SEMA6D: variants seen among roughly 807,000 people sequenced by gnomAD.
SEMA6D encodes the protein semaphorin-6D.
Under a neutral mutation model 106.6 loss-of-function variants are expected in SEMA6D, and 35 were observed. The observed-to-expected ratio is 0.33, with a 90% confidence interval of 0.25 to 0.44. SEMA6D has a LOEUF of 0.44. SEMA6D is among the 20% of genes least tolerant of loss of function. The pLI, the probability that SEMA6D is intolerant of heterozygous loss-of-function variation, is 1.00. For synonymous variants in SEMA6D, 499 were observed against 487.7 expected, an observed-to-expected ratio of 1.02 and a Z score of -0.31; for missense variants, 1,185 against 1,345.9, an observed-to-expected ratio of 0.88 and a Z score of 1.87.
chr15:47,414,238 A>T (rs1595937372), intron 2 of SEMA6D, among the ~76,000 whole-genome samples: 1 of 152,146 alleles, frequency 6.6e-6, no homozygotes, highest in Non-Finnish European at 1.5e-5. Context: ...ATAACTTTGC[A>T]CTTGAGTTTC....
At position 47,295,510 on chromosome 15, in the gene SEMA6D, C is replaced by A. The variant is rs143728029; in HGVS notation, c.-239+111092C>A. On this transcript the variant is annotated intron_variant, in intron 1 of 19. Transcript: ENST00000558014. The stretch of plus-strand genomic sequence containing the variant: ...ACTTCTGAAAGAACTGTGAGTAGAT[C>A]TTTAGATTACTCTCCTAAAGAGATA... Among the ~76,000 whole-genome samples, 887 of 152,212 alleles carry A rather than the reference C, an allele frequency of 5.8e-3. 14 individuals are homozygous for A. Among genetic ancestry groups the A allele is most frequent in the African/African-American group, 0.02 (842 of 41,552 alleles).
intron 3 of SEMA6D, among the ~76,000 whole-genome samples, chr15:47,574,432 C>A (rs767073526): frequency 2.6e-5 from 4 of 152,162 alleles, no homozygotes; most frequent in African/African-American, 7.2e-5. Flanking sequence ...CAATGTGGAG[C>A]ATTGATATAA....
intron 1 of SEMA6D, among the ~76,000 whole-genome samples, chr15:47,234,989 A>G (rs1046000456): frequency 2.6e-5 from 4 of 151,954 alleles, no homozygotes; most frequent in Non-Finnish European, 5.9e-5. Context: ...TTCCCTTTTC[A>G]CCACATCCAC....
chr15:47,649,485 A>G (rs1010180466), intron 4 of SEMA6D, among the ~76,000 whole-genome samples: 4 of 152,238 alleles, frequency 2.6e-5, no homozygotes, highest in East Asian at 3.8e-4. Flanking sequence ...ATCAAAAGAC[A>G]GTGCTACATA....
intron 3 of SEMA6D, among the ~76,000 whole-genome samples, chr15:47,545,630 A>G (rs1481821393): frequency 6.6e-6 from 1 of 152,134 alleles, no homozygotes; most frequent in Non-Finnish European, 1.5e-5. Flanking sequence ...TCTAACTTCT[A>G]AGATTTAAGT....
At chr15:47,546,988 G>C (rs778083048) in intron 3 of SEMA6D, among the ~76,000 whole-genome samples, 5 of 152,024 alleles carry the variant, frequency 3.3e-5, no homozygotes, top group Non-Finnish European at 4.4e-5. Context: ...TTCCAGCTTG[G>C]CCTGCATCAG....
intron 1 of SEMA6D, among the ~76,000 whole-genome samples, chr15:47,332,961 A>G (rs2037402322): frequency 1.3e-5 from 2 of 152,212 alleles, no homozygotes; most frequent in African/African-American, 4.8e-5. Flanking sequence ...GGAGCTGGAA[A>G]GACAAAAAAC....
intron 1 of SEMA6D, among the ~76,000 whole-genome samples, chr15:47,759,290 G>A (rs2081939297): frequency 6.6e-6 from 1 of 152,124 alleles, no homozygotes; most frequent in South Asian, 2.1e-4. Context: ...GATTATGACA[G>A]GATCATCAGC....
Position 47,406,778 on chromosome 15 carries a change from CA to C in SEMA6D, c.-238-5598del, listed in dbSNP as rs36102863. 7.8e-3 allele frequency among the ~76,000 whole-genome samples: 867 copies of C among 111,734 alleles called. 4 individuals carry two copies. Among genetic ancestry groups the C allele is most frequent in the Non-Finnish European group, 9.9e-3 (543 of 55,024 alleles). 73.3% of individuals were successfully genotyped at this position (111,734 alleles called of 152,430 possible). On this transcript the variant is annotated intron_variant, in intron 1 of 19. Transcript: ENST00000558014. ...AGTAGATCTCAAGTGTTCTCACCACCAAAAAAAAAAAAAAAAATGAAGTGAC... is the reference window on the plus strand; with the variant it reads ...AGTAGATCTCAAGTGTTCTCACCACCAAAAAAAAAAAAAAAATGAAGTGAC...
At chr15:47,634,958 T>A (rs543202866) in intron 4 of SEMA6D, among the ~76,000 whole-genome samples, 1 of 152,294 alleles carries the variant, frequency 6.6e-6, no homozygotes, top group Non-Finnish European at 1.5e-5. Context: ...CGCCAGCACT[T>A]TCCTGGTGTT....
At chr15:47,350,024 C>A (rs991867769) in intron 1 of SEMA6D, among the ~76,000 whole-genome samples, 1 of 152,142 alleles carries the variant, frequency 6.6e-6, no homozygotes, top group East Asian at 1.9e-4. Flanking sequence ...CAGCATAATA[C>A]AAGAGTATTT....
chr15:47,459,003 G>C (rs975971949), intron 2 of SEMA6D, among the ~76,000 whole-genome samples: 2 of 152,024 alleles, frequency 1.3e-5, no homozygotes, highest in East Asian at 3.9e-4. Context: ...GAGCGTGAAT[G>C]GGACCTGTGA....
At chr15:47,283,282 G>A (rs1222846400) in intron 1 of SEMA6D, among the ~76,000 whole-genome samples, 1 of 152,118 alleles carries the variant, frequency 6.6e-6, no homozygotes, top group Non-Finnish European at 1.5e-5. Context: ...GCGTACATGT[G>A]TGTGTATATG....
chr15:47,407,005 T>G (rs540563409), intron 1 of SEMA6D, among the ~76,000 whole-genome samples: 430 of 152,140 alleles, frequency 2.8e-3, no homozygotes, highest in African/African-American at 1.0e-2. Flanking sequence ...ACTGTAAATT[T>G]AAAAACAAAA....
At chr15:47,534,301 G>A (rs556318403) in intron 3 of SEMA6D, among the ~76,000 whole-genome samples, 27 of 151,884 alleles carry the variant, frequency 1.8e-4, no homozygotes, top group African/African-American at 2.7e-4. Flanking sequence ...AGTGATTCTC[G>A]TGCCGCAGCC....
At chr15:47,362,421 C>T (rs2038846073) in intron 1 of SEMA6D, among the ~76,000 whole-genome samples, 1 of 152,124 alleles carries the variant, frequency 6.6e-6, no homozygotes, top group Non-Finnish European at 1.5e-5. Flanking sequence ...TGGAACCTGG[C>T]CTAACACAGA....
intron 1 of SEMA6D, among the ~76,000 whole-genome samples, chr15:47,367,717 CACACACACACAG>C (rs1310534350): frequency 1.1e-4 from 11 of 100,428 alleles, no homozygotes; most frequent in African/African-American, 6.4e-4. Flanking sequence ...CACACACACA[CACACACACACAG>C]AGAGAGAGAA....
intron 1 of SEMA6D, among the ~76,000 whole-genome samples, chr15:47,285,540 T>G (rs1051921140): frequency 6.6e-6 from 1 of 152,178 alleles, no homozygotes; most frequent in African/African-American, 2.4e-5. Flanking sequence ...ACCCTGAAAC[T>G]GTGCAGATCT....
intron 1 of SEMA6D, among the ~76,000 whole-genome samples, chr15:47,224,054 G>A (rs1316353296): frequency 1.3e-5 from 2 of 151,936 alleles, no homozygotes; most frequent in African/African-American, 4.8e-5. Context: ...TATACCGAAT[G>A]CTAGATGACG....
Sources: gnomAD v4.1 joint callset for allele counts (sites outside exome capture counted in the v4.1 genomes callset) on GRCh38, gnomAD v4.1.1 for gene constraint, MANE v1.5 for transcripts, NCBI Gene and HGNC (gene_info 2026-07-23, HGNC 2026-07-21) for gene names.